Variants in ORC5 observed in about 807,000 individuals in gnomAD.
ORC5 encodes the protein origin recognition complex subunit 5.
A neutral mutation model predicts 58.8 loss-of-function variants in ORC5; 39 were observed. That is an observed-to-expected ratio of 0.66 (90% CI 0.51 to 0.87). The LOEUF is 0.87. ORC5 is among the 40% of genes least tolerant of loss of function. ORC5 has a pLI of 0.00. For missense variants in ORC5, 493 were observed against 506.3 expected (o/e 0.97, Z 0.25); for synonymous variants, 218 against 177.6 (o/e 1.23, Z -1.81).
At chr7:104,146,862 G>A (rs866309269) in intron 12 of ORC5, among the ~76,000 whole-genome samples, 2 of 152,100 alleles carry the variant, frequency 1.3e-5, no homozygotes, top group African/African-American at 4.8e-5. Context: ...TCAGTTTCCT[G>A]GTTGTGATAT....
intron 6 of ORC5, among the ~76,000 whole-genome samples, chr7:104,186,909 A>T (rs1207438430): frequency 6.6e-6 from 1 of 152,174 alleles, no homozygotes; most frequent in Non-Finnish European, 1.5e-5. Flanking sequence ...CCCTAAATAA[A>T]ATCATTCCAC....
chr7:104,171,498 G>C (rs1428855257), intron 8 of ORC5, among the ~76,000 whole-genome samples: 1 of 152,072 alleles, frequency 6.6e-6, no homozygotes, highest in Admixed American at 6.6e-5. Flanking sequence ...ATTAGCTTCT[G>C]ATTTTGTCAT....
intron 3 of ORC5, among the ~76,000 whole-genome samples, chr7:104,198,168 G>A (rs1799847234): frequency 6.6e-6 from 1 of 152,192 alleles, no homozygotes. Context: ...CCACAACTGT[G>A]AGAAATAAAT....
chr7:104,147,979 A>G (rs865988948), intron 12 of ORC5, among the ~76,000 whole-genome samples: 78 of 152,260 alleles, frequency 5.1e-4, no homozygotes, highest in African/African-American at 1.8e-3. Flanking sequence ...AGGTTCTAGC[A>G]GAGGATATGG....
intron 12 of ORC5, among the ~76,000 whole-genome samples, chr7:104,144,319 T>C (rs1439899553): frequency 6.6e-6 from 1 of 152,168 alleles, no homozygotes; most frequent in African/African-American, 2.4e-5. Flanking sequence ...AAAATACATA[T>C]AAAACTTTAA....
intron 12 of ORC5, among the ~76,000 whole-genome samples, chr7:104,155,186 ACT>A (rs1487798498): frequency 1.3e-5 from 2 of 151,778 alleles, no homozygotes; most frequent in Non-Finnish European, 3.0e-5. Flanking sequence ...GTAACAAATA[ACT>A]CCAAGTGTAT....
intron 8 of ORC5, among the ~76,000 whole-genome samples, chr7:104,180,108 T>TC (rs1399654472): frequency 6.6e-6 from 1 of 152,196 alleles, no homozygotes; most frequent in Non-Finnish European, 1.5e-5. Context: ...GCCATGTACT[T>TC]CCCTGCTCAA....
At chr7:104,192,865 T>TAA (rs35918809) in intron 5 of ORC5, among the ~76,000 whole-genome samples, 2 of 137,608 alleles carry the variant, frequency 1.5e-5, no homozygotes, top group Non-Finnish European at 3.2e-5. Flanking sequence ...AGACACTTGT[T>TAA]AAAAAAAAAA....
At chr7:104,188,945 T>C (rs1799611643) in intron 5 of ORC5, among the ~76,000 whole-genome samples, 1 of 152,138 alleles carries the variant, frequency 6.6e-6, no homozygotes. Context: ...TCCACCATGA[T>C]TCCAAGTTTC....
chr7:104,193,307 G>C (rs1025087342), intron 5 of ORC5, among the ~76,000 whole-genome samples: 1 of 152,050 alleles, frequency 6.6e-6, no homozygotes, highest in African/African-American at 2.4e-5. Flanking sequence ...GACAACAGCA[G>C]TACAAATGTT....
chr7:104,199,050 C>G (rs1335579310), intron 3 of ORC5, among the ~76,000 whole-genome samples: 1 of 152,252 alleles, frequency 6.6e-6, no homozygotes, highest in Admixed American at 6.5e-5. Context: ...GCCTAGATTT[C>G]AGAGGATGTA....
intron 8 of ORC5, among the ~76,000 whole-genome samples, chr7:104,180,348 T>A (rs950831496): frequency 5.3e-5 from 8 of 152,194 alleles, no homozygotes; most frequent in Admixed American, 1.3e-4. Context: ...ACTTTCTGTG[T>A]TTTCTTACTA....
chr7:104,164,477 C>T (rs908606282), intron 11 of ORC5, among the ~76,000 whole-genome samples: 2 of 152,116 alleles, frequency 1.3e-5, no homozygotes, highest in African/African-American at 2.4e-5. Context: ...TGTAGGAGTT[C>T]AAGAACAGTG....
rs924444088 is a variant in ORC5 at position 104,168,311 on chromosome 7, G to T, written c.877+162C>A. ...TTCCTCCCATTAAATTAGAGCTTCA[G>T]TTAAAGAAAAATCATTAATCAAAAT... On this transcript the variant is annotated intron_variant, in intron 9 of 13. Coordinates refer to ENST00000297431, the MANE Select transcript of ORC5 (RefSeq NM_002553.4). 9 of 1,216,080 alleles carry T rather than the reference G, an allele frequency of 7.4e-6. No individual in the cohort carries two copies. The East Asian group carries it at 1.2e-4, about 16-fold the overall frequency. The allele number at this position is 1,216,080 out of a possible 1,614,324, so 75.3% of individuals were successfully genotyped here. A position where few individuals can be genotyped will look rare whatever the true frequency, so the allele number is the denominator to read the frequency against.
At chr7:104,203,526 C>T (rs980744459) in intron 2 of ORC5, among the ~76,000 whole-genome samples, 2 of 152,218 alleles carry the variant, frequency 1.3e-5, no homozygotes, top group African/African-American at 4.8e-5. Context: ...CTATGTACTG[C>T]AGAAAGCACT....
chr7:104,197,966 T>C (rs567924174), intron 3 of ORC5, among the ~76,000 whole-genome samples, 167 bp from the exon 4 acceptor site: 1 of 152,340 alleles, frequency 6.6e-6, no homozygotes, highest in South Asian at 2.1e-4. Flanking sequence ...ATAAGGGCTC[T>C]GTCCTCATGA....
chr7:104,141,835 G>C (rs935222397), intron 12 of ORC5, among the ~76,000 whole-genome samples: 2 of 152,060 alleles, frequency 1.3e-5, no homozygotes, highest in Non-Finnish European at 2.9e-5. Context: ...ACACAAATAA[G>C]TGAAAAGATA....
chr7:104,135,893 T>C (rs1798580033), intron 13 of ORC5, among the ~76,000 whole-genome samples: 1 of 152,132 alleles, frequency 6.6e-6, no homozygotes, highest in African/African-American at 2.4e-5. Flanking sequence ...TGTCTATGGA[T>C]TGCCCTGTTC....
chr7:104,133,767 C>T lies in ORC5; in HGVS notation c.1262+3014G>A, dbSNP rs996841961. ...TTAAAGGTCAGATGGTAAAGATAGC[C>T]TTTGTTAGTAAAAACAACCAAAGAA... On this transcript the variant is annotated intron_variant, in intron 13 of 13. Transcript: ENST00000297431. The surrounding 1 kb of genome is among the most constrained non-coding windows in gnomAD (Gnocchi z 4.7). 6.6e-6 allele frequency among the ~76,000 whole-genome samples: 1 copy of T among 152,084 alleles called. No homozygotes were observed. Among genetic ancestry groups the T allele is most frequent in the African/African-American group, 2.4e-5 (1 of 41,386 alleles).
Sources: allele counts gnomAD v4.1 joint callset (sites outside exome capture counted in the v4.1 genomes callset), GRCh38; gene constraint gnomAD v4.1.1; non-coding constraint Gnocchi (gnomAD v3.1); transcripts MANE v1.5; gene names NCBI Gene and HGNC (gene_info 2026-07-23, HGNC 2026-07-21).